RGS5: variants seen among roughly 807,000 people sequenced by gnomAD.
The protein encoded by RGS5 is regulator of G-protein signalling 5.
Under a neutral mutation model 18.9 loss-of-function variants are expected in RGS5, and 20 were observed. The observed-to-expected ratio is 1.06, with a 90% CI of 0.74 to 1.54. RGS5 has a LOEUF of 1.54. Ranked by LOEUF, RGS5 falls within the 40% of genes most tolerant of loss-of-function variation. The probability of loss-of-function intolerance (pLI) is 0.00; values close to 1 mark genes in which losing one functional copy is unlikely to be tolerated. For missense variants in RGS5, 201 were observed against 211.8 expected, an observed-to-expected ratio of 0.95 and a Z score of 0.32; for synonymous variants, 57 against 76.2, an observed-to-expected ratio of 0.75 and a Z score of 1.31.
At chr1:163,308,094 G>A (rs1445927944) in intron 1 of RGS5, among the ~76,000 whole-genome samples, 1 of 152,142 alleles carries the variant, frequency 6.6e-6, no homozygotes, top group East Asian at 1.9e-4. Flanking sequence ...TGTGGGTGGG[G>A]TCCAAAAATT....
At chr1:163,296,349 A>T (rs549824298) in intron 2 of RGS5, among the ~76,000 whole-genome samples, 2 of 152,184 alleles carry the variant, frequency 1.3e-5, no homozygotes, top group African/African-American at 4.8e-5. Context: ...AATTCTTCTA[A>T]TATTTGGCTA....
At chr1:163,293,675 G>A (rs1016427735) in intron 2 of RGS5, among the ~76,000 whole-genome samples, 4 of 152,094 alleles carry the variant, frequency 2.6e-5, no homozygotes, top group Non-Finnish European at 5.9e-5. Context: ...ACTCATTCCA[G>A]CATTAACCCA....
chr1:163,180,919 A>C (rs1035804373), intron 1 of RGS5, among the ~76,000 whole-genome samples: 3 of 151,708 alleles, frequency 2.0e-5, no homozygotes, highest in African/African-American at 7.3e-5. Context: ...TGGTCTCGAT[A>C]TCCCGACCTC....
chr1:163,211,493 GA>G (rs1660101292), intron 1 of RGS5: 1 of 152,166 alleles, frequency 6.6e-6, no homozygotes, highest in East Asian at 1.9e-4. Flanking sequence ...TAGAAGTTTA[GA>G]AAGATTCTCA....
intron 1 of RGS5, among the ~76,000 whole-genome samples, chr1:163,182,826 T>C (rs1056984553): frequency 6.6e-6 from 1 of 152,190 alleles, no homozygotes; most frequent in Non-Finnish European, 1.5e-5. Flanking sequence ...AGTGTCTCCA[T>C]GTCCTCCTGC....
chr1:163,153,497 C>A (rs1334098512), intron 3 of RGS5, among the ~76,000 whole-genome samples: 1 of 152,044 alleles, frequency 6.6e-6, no homozygotes, highest in Admixed American at 6.6e-5. Context: ...AGCGTACTTA[C>A]CATGTCCATC....
At chr1:163,318,822 G>C (rs1334163004) in intron 1 of RGS5, 1 of 152,170 alleles carries the variant, frequency 6.6e-6, no homozygotes, top group Non-Finnish European at 1.5e-5. Flanking sequence ...GGTGGAGGAA[G>C]TACATTTCAT....
At chr1:163,270,580 C>A (rs768392428) in intron 2 of RGS5, among the ~76,000 whole-genome samples, 5 of 151,944 alleles carry the variant, frequency 3.3e-5, no homozygotes, top group Admixed American at 2.0e-4. Context: ...GTAGTTAATT[C>A]AATTTGTGGA....
At chr1:163,313,065 T>C (rs1230941740) in intron 1 of RGS5, among the ~76,000 whole-genome samples, 1 of 152,222 alleles carries the variant, frequency 6.6e-6, no homozygotes, top group East Asian at 1.9e-4. Context: ...ATTCCCCATA[T>C]AACGTTACAC....
At chr1:163,233,396 C>T (rs1007604816) in intron 2 of RGS5, among the ~76,000 whole-genome samples, 1 of 152,206 alleles carries the variant, frequency 6.6e-6, no homozygotes, top group Admixed American at 6.5e-5. Context: ...ATTAAACTTT[C>T]CCCAAATAGC....
At chr1:163,203,875 G>A (rs76923581), upstream of RGS5, among the ~76,000 whole-genome samples, 4 of 138,454 alleles carry the variant, frequency 2.9e-5, no homozygotes, top group Admixed American at 7.6e-5. Context: ...TTATCTTGTC[G>A]GGGCCCAAGG....
intron 2 of RGS5, among the ~76,000 whole-genome samples, chr1:163,222,640 G>C (rs937316008): frequency 4.6e-5 from 7 of 152,166 alleles, no homozygotes; most frequent in African/African-American, 1.2e-4. Context: ...AATCTTTACA[G>C]TGTATACTTG....
intron 2 of RGS5, among the ~76,000 whole-genome samples, chr1:163,223,583 T>C (rs1185630924): frequency 6.6e-6 from 1 of 152,160 alleles, no homozygotes; most frequent in Non-Finnish European, 1.5e-5. Context: ...CTAGGAAAGA[T>C]CTAACATCTC....
intron 3 of RGS5, among the ~76,000 whole-genome samples, chr1:163,156,277 C>T (rs1306965308): frequency 6.6e-6 from 1 of 152,038 alleles, no homozygotes; most frequent in African/African-American, 2.4e-5. Context: ...TGGGGTTGTG[C>T]TAAGAAATAA....
intron 2 of RGS5, among the ~76,000 whole-genome samples, chr1:163,163,094 G>C (rs1657880319): frequency 6.6e-5 from 10 of 151,880 alleles, no homozygotes; most frequent in Admixed American, 6.6e-4. Context: ...TATGACAGCT[G>C]CTTGTTCTAC....
Position 163,144,297 on chromosome 1 carries a change from G to A in RGS5, c.*3045C>T, listed in dbSNP as rs1657042945. On this transcript the variant is annotated 3_prime_UTR_variant, in exon 5 of 5. Coordinates refer to ENST00000313961, the MANE Select transcript of RGS5 (RefSeq NM_003617.4). ...TCACACTGCTTTAACAAATAAACAT[G>A]GAACATACGTCCTTAATTAACTGTG... The A allele has an allele frequency of 6.6e-6, 1 of 152,036 alleles. No individual in the cohort carries two copies. The highest frequency in any genetic ancestry group is 6.6e-5 in the Admixed American group (1 of 15,252). 9.4% of individuals were successfully genotyped at this position (152,036 alleles called of 1,614,324 possible).
At chr1:163,215,457 T>C (rs531583662) in intron 1 of RGS5, among the ~76,000 whole-genome samples, 59 of 152,310 alleles carry the variant, frequency 3.9e-4, no homozygotes, top group African/African-American at 1.4e-3. Context: ...TTCTGTCTCA[T>C]AGTAAACATG....
chr1:163,255,277 T>C (rs1648240019), intron 2 of RGS5, among the ~76,000 whole-genome samples: 2 of 152,222 alleles, frequency 1.3e-5, no homozygotes, highest in Non-Finnish European at 2.9e-5. Flanking sequence ...TTTCTACCCA[T>C]GAGCATGGAA....
intron 2 of RGS5, among the ~76,000 whole-genome samples, chr1:163,276,685 A>C (rs574354261): frequency 6.6e-6 from 1 of 152,324 alleles, no homozygotes; most frequent in East Asian, 1.9e-4. Context: ...TCTGACTCTA[A>C]GTCTCTTGGC....
Sources: gnomAD v4.1 joint callset for allele counts (sites outside exome capture counted in the v4.1 genomes callset) on GRCh38, gnomAD v4.1.1 for gene constraint, MANE v1.5 for transcripts, NCBI Gene and HGNC (gene_info 2026-07-23, HGNC 2026-07-21) for gene names.